The following SYNE2 variants were observed in gnomAD, a reference collection of about 807,000 sequenced individuals.
The protein encoded by SYNE2 is nesprin-2.
In SYNE2, 431 loss-of-function variants were observed where a neutral mutation model predicts 856.3. The observed-to-expected ratio is 0.50, with a 90% CI of 0.47 to 0.55. The LOEUF (loss-of-function observed/expected upper bound fraction) is 0.55, where lower values mean the gene tolerates loss of function less well. Ranked by LOEUF, SYNE2 falls within the 20% of genes least tolerant of loss-of-function variation. The pLI is 0.00. For missense variants in SYNE2, 8,129 were observed against 8,023.2 expected, an observed-to-expected ratio of 1.01 and a Z score of -0.50; for synonymous variants, 2,923 against 2,872.3, an observed-to-expected ratio of 1.02 and a Z score of -0.56.
intron 62 of SYNE2, 81 bp from the exon 63 acceptor site, chr14:64,098,641 GATAAAGTAAGTAAAAAATTAGCTAC>G: frequency 8.4e-7 from 1 of 1,186,458 alleles, no homozygotes; most frequent in Non-Finnish European, 1.2e-6. Context: ...GGGCATCTTG[GATAAAGTAAGTAAAAAATTAGCTAC>G]ATAAAAATGC....
At chr14:63,948,782 G>GTGTATATATATATATATA (rs1454688156) in intron 6 of SYNE2, among the ~76,000 whole-genome samples, 1 of 43,904 alleles carries the variant, frequency 2.3e-5, no homozygotes, top group Non-Finnish European at 4.5e-5. Context: ...ATGTGTGTGT[G>GTGTATATATATATATATA]TATATATATA....
rs766440549 is a variant in SYNE2 at position 63,982,780 on chromosome 14, T to C, written c.1987T>C (p.Ser663Pro). 1.9e-6 allele frequency: 3 copies of C among 1,613,906 alleles called. No individual in the cohort carries two copies. The highest frequency in any genetic ancestry group is 2.7e-5 in the African/African-American group (2 of 74,930). ...RLNKRWRKLV[S>P]KTQLEMNLPL... The stretch of plus-strand genomic sequence containing the variant: ...GAATAAAAGATGGAGAAAGTTGGTT[T>C]CAAAAACTCAACTTGTAAGTTCTTT... Residue 663 changes from serine to proline, a missense_variant, in exon 17 of 116, where the codon TCA becomes CCA. Physicochemically the swap from Ser to Pro is moderately conservative, Grantham distance 74. This residue lies in a region of SYNE2 where 2,422 missense variants were observed against 2,357.4 expected (regional missense o/e 1.03). Coordinates refer to ENST00000555002, the MANE Select transcript of SYNE2 (RefSeq NM_182914.3).
intron 87 of SYNE2, among the ~76,000 whole-genome samples, chr14:64,160,157 C>T (rs2098317059): frequency 6.6e-6 from 1 of 152,184 alleles, no homozygotes; most frequent in African/African-American, 2.4e-5. Context: ...AGCTCTTGAT[C>T]CAGTCTTTAT....
chr14:63,979,590 C>T (rs1009488927), intron 14 of SYNE2, among the ~76,000 whole-genome samples: 1 of 152,332 alleles, frequency 6.6e-6, no homozygotes, highest in South Asian at 2.1e-4. Context: ...AGACTTTGTC[C>T]TTCTTTTTGT....
rs10666086 is a variant in SYNE2 at position 63,940,070 on chromosome 14, A to ATTTTTTTTTTT, written c.80-536_80-526dup. Among the ~76,000 whole-genome samples the ATTTTTTTTTTT allele has an allele frequency of 3.9e-5, 5 of 129,400 alleles. 1 individual carries two copies. Among genetic ancestry groups the ATTTTTTTTTTT allele is most frequent in the African/African-American group, 2.9e-5 (1 of 34,538 alleles). The allele number at this position is 129,400 out of a possible 152,430, so 84.9% of individuals were successfully genotyped here. A position where few individuals can be genotyped will look rare whatever the true frequency, so the allele number is the denominator to read the frequency against. ...TCAAGGTGGTATAGGGTCTCAGTTC[A>ATTTTTTTTTTT]TTTTTTTTTTTTTTTTTTCTTTCAT... is the stretch of plus-strand genomic sequence containing the variant. On this transcript the variant is annotated intron_variant, in intron 2 of 115. Coordinates refer to ENST00000555002, the MANE Select transcript of SYNE2 (RefSeq NM_182914.3).
intron 40 of SYNE2, 23 bp from the exon 41 acceptor site, chr14:64,025,107 T>G: frequency 1.2e-6 from 2 of 1,614,058 alleles, no homozygotes; most frequent in Non-Finnish European, 8.5e-7. Flanking sequence ...CTATAAACTT[T>G]AAGTGGTATT....
rs749810137 is a variant in SYNE2, at chr14:64,106,415, C to T, written c.12493-1076C>T. Reference sequence around the variant, plus strand: ...CTGTAATCCCAGCACTTTGGGAGGCCGAGGCGAGTGGATCACGAGGTCAGG... The same window carrying T: ...CTGTAATCCCAGCACTTTGGGAGGCTGAGGCGAGTGGATCACGAGGTCAGG... On this transcript the variant is annotated intron_variant, in intron 64 of 115. Coordinates refer to ENST00000555002, the MANE Select transcript of SYNE2 (RefSeq NM_182914.3). Among the ~76,000 whole-genome samples, 8 of 152,050 alleles carry T rather than the reference C, an allele frequency of 5.3e-5. No homozygotes were observed. The East Asian group carries it at 7.7e-4, about 15-fold the overall frequency.
chr14:63,902,407 C>CAAAAAAAAAAAAAAAAAAAAAAAAAA, intron 1 of SYNE2, among the ~76,000 whole-genome samples: 1 of 74,644 alleles, frequency 1.3e-5, no homozygotes, highest in Non-Finnish European at 2.4e-5. Flanking sequence ...CGAGACTCCT[C>CAAAAAAAAAAAAAAAAAAAAAAAAAA]AAAAAAAAAA....
At position 64,022,174 on chromosome 14, in the gene SYNE2, GGAGCAAAGACT is replaced by G. The variant is rs1421115940; in HGVS notation, c.5524+149_5524+159del. On this transcript the variant is annotated intron_variant, in intron 37 of 115. Coordinates refer to ENST00000555002, the MANE Select transcript of SYNE2 (RefSeq NM_182914.3). The stretch of plus-strand genomic sequence containing the variant: ...AAATAATAATCAGATAAATCTTTTG[GGAGCAAAGACT>G]GATTTATGCTTGACATAAATAACAC... 7.6e-6 allele frequency: 6 copies of G among 788,940 alleles called. No homozygotes were observed. In the African/African-American group the frequency reaches 8.7e-5, roughly 11 times the overall value. 48.9% of individuals were successfully genotyped at this position (788,940 alleles called of 1,614,324 possible).
At chr14:63,829,267 A>T (rs920621931) in intron 1 of SYNE2, among the ~76,000 whole-genome samples, 10 of 151,954 alleles carry the variant, frequency 6.6e-5, no homozygotes, top group African/African-American at 2.4e-4. Context: ...GTTTTAAAAA[A>T]CGAGCTGGTT....
chr14:63,767,528 C>T (rs1037073852), intron 1 of SYNE2, among the ~76,000 whole-genome samples: 1 of 152,030 alleles, frequency 6.6e-6, no homozygotes, highest in African/African-American at 2.4e-5. Flanking sequence ...ATATAAAAAT[C>T]GAAATTCTAG....
intron 20 of SYNE2, 86 bp from the exon 21 acceptor site, chr14:63,990,856 G>C: frequency 9.2e-7 from 1 of 1,089,912 alleles, no homozygotes; most frequent in Non-Finnish European, 1.4e-6. Flanking sequence ...TCTTTGTCTA[G>C]TGGGAAAATA....
At chr14:63,932,837 C>T in intron 2 of SYNE2, among the ~76,000 whole-genome samples, 1 of 152,140 alleles carries the variant, frequency 6.6e-6, no homozygotes, top group Non-Finnish European at 1.5e-5. Context: ...GTGGCCATTC[C>T]ATAGAGTATG....
intron 1 of SYNE2, among the ~76,000 whole-genome samples, chr14:63,857,017 A>G (rs1281698914): frequency 6.6e-6 from 1 of 151,860 alleles, no homozygotes; most frequent in Non-Finnish European, 1.5e-5. Flanking sequence ...TGATCCTCCC[A>G]CCTCAGCCTC....
chr14:64,068,461 C>A (rs2097374751), intron 51 of SYNE2, among the ~76,000 whole-genome samples: 1 of 151,996 alleles, frequency 6.6e-6, no homozygotes. Flanking sequence ...ATTAGTAGTT[C>A]ATTTCTCTTT....
rs534960887 is a variant in SYNE2, at chr14:63,978,877, T to A, written c.1432T>A (p.Phe478Ile). ...RRINNILEKK[F>I]ILLLEFHYYK... is the part of the protein sequence containing the mutation. ...AATCAACAACATTTTGGAGAAAAAA[T>A]TTATTCTACTTCTAGAATTTCATTA... Residue 478 changes from phenylalanine to isoleucine, a missense_variant, in exon 14 of 116, where the codon TTT (phenylalanine) becomes ATT (isoleucine). By Grantham distance (21) the Phe-to-Ile change is conservative (BLOSUM62 0). Coordinates refer to ENST00000555002, the MANE Select transcript of SYNE2 (RefSeq NM_182914.3). 8.7e-6 allele frequency: 14 copies of A among 1,613,174 alleles called. No individual in the cohort carries two copies. The highest frequency in any genetic ancestry group is 1.7e-4 in the Middle Eastern group (1 of 6,044).
At chr14:63,944,524 T>C (rs1013197972) in intron 6 of SYNE2, among the ~76,000 whole-genome samples, 5 of 138,626 alleles carry the variant, frequency 3.6e-5, no homozygotes, top group Non-Finnish European at 7.8e-5. Context: ...TTTCTTTTTT[T>C]TTTTTTTTTT....
In SYNE2 at chr14:63,963,833, A is replaced by T. The variant is rs914060993; in HGVS notation, c.889-66A>T. On this transcript the variant is annotated intron_variant, in intron 9 of 115. Coordinates refer to ENST00000555002, the MANE Select transcript of SYNE2 (RefSeq NM_182914.3). ...TATTTCACTGATGTTTCAAGTTGCT[A>T]ATTTTTTTGTTAAAAAAACCAAGCC... 9 of 1,075,002 alleles carry T rather than the reference A, an allele frequency of 8.4e-6. No homozygotes were observed. The Admixed American group carries it at 1.5e-4, about 18-fold the overall frequency. 66.6% of individuals were successfully genotyped at this position (1,075,002 alleles called of 1,614,324 possible). A position where few individuals can be genotyped will look rare whatever the true frequency, so the allele number is the denominator to read the frequency against.
chr14:64,096,743 G>A (rs1253324457), intron 61 of SYNE2, among the ~76,000 whole-genome samples: 1 of 152,172 alleles, frequency 6.6e-6, no homozygotes, highest in Non-Finnish European at 1.5e-5. Context: ...TTGCAGCTTT[G>A]GACAAATCAC....
Sources: gnomAD v4.1 joint callset for allele counts (sites outside exome capture counted in the v4.1 genomes callset) on GRCh38, gnomAD v4.1.1 for gene constraint, gnomAD v4.1.1 regional missense constraint, MANE v1.5 for transcripts, NCBI Gene and HGNC (gene_info 2026-07-23, HGNC 2026-07-21) for gene names.